CTNNA2: variants seen among roughly 807,000 people sequenced by gnomAD.
CTNNA2 encodes the protein catenin alpha 2, also known as catenin alpha-2.
CTNNA2 carries 42 observed loss-of-function variants against 101.0 expected under a neutral mutation model. The ratio of observed to expected loss-of-function variants is 0.42; its 90% CI spans 0.32 to 0.54. The LOEUF (loss-of-function observed/expected upper bound fraction) is 0.54, where lower values mean the gene tolerates loss of function less well. CTNNA2 is among the 20% of genes least tolerant of loss of function. The pLI is 0.14. For synonymous variants in CTNNA2, 450 were observed against 456.4 expected, an observed-to-expected ratio of 0.99 and a Z score of 0.18; for missense variants, 871 against 1,223.1, an observed-to-expected ratio of 0.71 and a Z score of 4.29.
At chr2:79,652,710 C>T (rs1302834256) in intron 2 of CTNNA2, among the ~76,000 whole-genome samples, 2 of 152,040 alleles carry the variant, frequency 1.3e-5, no homozygotes, top group African/African-American at 2.4e-5. Context: ...TTACAGTTTC[C>T]AGGGATTTGG....
chr2:79,933,414 A>G (rs1284416320), intron 7 of CTNNA2, among the ~76,000 whole-genome samples: 2 of 152,038 alleles, frequency 1.3e-5, no homozygotes, highest in Non-Finnish European at 2.9e-5. Flanking sequence ...AGTGAAACAA[A>G]GAGGCTGAAA....
chr2:80,522,526 C>T (rs1021144431), intron 9 of CTNNA2, among the ~76,000 whole-genome samples: 14 of 152,026 alleles, frequency 9.2e-5, no homozygotes, highest in African/African-American at 3.1e-4. Flanking sequence ...CTTTAATTGC[C>T]GAGTAGGAAT....
intron 9 of CTNNA2, among the ~76,000 whole-genome samples, chr2:80,508,038 G>C (rs758491491): frequency 6.6e-6 from 1 of 152,142 alleles, no homozygotes; most frequent in Non-Finnish European, 1.5e-5. Context: ...CTTTAGAAAA[G>C]ACATTTCCTA....
intron 7 of CTNNA2, among the ~76,000 whole-genome samples, chr2:80,380,028 CTTTTT>C (rs769794108): frequency 2.3e-5 from 2 of 86,520 alleles, no homozygotes; most frequent in African/African-American, 5.8e-5. Context: ...TCGAGATGTA[CTTTTT>C]TTTTTTTTTT....
intron 1 of CTNNA2, among the ~76,000 whole-genome samples, chr2:79,541,427 C>CATATATAT (rs9284785): frequency 1.3e-4 from 19 of 142,810 alleles, no homozygotes; most frequent in East Asian, 1.0e-3. Flanking sequence ...CGCACACACA[C>CATATATAT]ATATATATAT....
intron 7 of CTNNA2, among the ~76,000 whole-genome samples, chr2:80,099,952 T>A (rs753673323): frequency 1.3e-5 from 2 of 152,034 alleles, no homozygotes; most frequent in Non-Finnish European, 2.9e-5. Flanking sequence ...GTTGTTGAGA[T>A]GAAGTCTTGC....
At chr2:80,519,152 T>G (rs2149569775) in intron 9 of CTNNA2, among the ~76,000 whole-genome samples, 1 of 152,272 alleles carries the variant, frequency 6.6e-6, no homozygotes, top group South Asian at 2.1e-4. Flanking sequence ...TGTATGTATG[T>G]GTGATTTATA....
intron 7 of CTNNA2, among the ~76,000 whole-genome samples, chr2:80,128,764 CG>C (rs1041382192): frequency 5.3e-5 from 8 of 152,086 alleles, no homozygotes; most frequent in African/African-American, 1.9e-4. Context: ...TATATGACCC[CG>C]GAAACGATTC....
At chr2:80,070,631 C>T (rs60850086) in intron 7 of CTNNA2, among the ~76,000 whole-genome samples, 1,747 of 151,732 alleles carry the variant, frequency 0.012, 28 homozygotes, top group African/African-American at 0.04. Context: ...GAGGGAGGAT[C>T]GCTTGAGCCT....
chr2:80,493,670 G>T (rs559903459), intron 9 of CTNNA2, among the ~76,000 whole-genome samples: 1 of 152,270 alleles, frequency 6.6e-6, no homozygotes, highest in South Asian at 2.1e-4. Flanking sequence ...TCCTTAGAAA[G>T]GACATCTAAT....
At chr2:79,646,610 C>A (rs1301758773) in intron 1 of CTNNA2, among the ~76,000 whole-genome samples, 2 of 147,108 alleles carry the variant, frequency 1.4e-5, no homozygotes, top group African/African-American at 5.0e-5. Flanking sequence ...CTCACTGAAG[C>A]CTCGACATCC....
At chr2:80,041,503 A>G (rs116310304) in intron 7 of CTNNA2, among the ~76,000 whole-genome samples, 2,168 of 152,260 alleles carry the variant, frequency 0.014, 39 homozygotes, top group African/African-American at 0.044. Context: ...ATGATAATGC[A>G]GCTGCTTGTA....
At chr2:80,220,860 G>A (rs767231801) in intron 7 of CTNNA2, among the ~76,000 whole-genome samples, 1 of 151,966 alleles carries the variant, frequency 6.6e-6, no homozygotes, top group African/African-American at 2.4e-5. Context: ...CTTCTTTCTG[G>A]TTTTTTGTTT....
At chr2:79,379,912 C>A (rs1678020420) in intron 4 of CTNNA2, among the ~76,000 whole-genome samples, 1 of 152,150 alleles carries the variant, frequency 6.6e-6, no homozygotes, top group Non-Finnish European at 1.5e-5. Context: ...CAAATTCAAT[C>A]TCATAATGTA....
At chr2:79,745,997 G>A (rs1671618421) in intron 3 of CTNNA2, among the ~76,000 whole-genome samples, 1 of 152,084 alleles carries the variant, frequency 6.6e-6, no homozygotes, top group Non-Finnish European at 1.5e-5. Flanking sequence ...CATAGTGGCT[G>A]CACCATTTCC....
At chr2:80,152,059 A>G (rs1442152852) in intron 7 of CTNNA2, among the ~76,000 whole-genome samples, 2 of 152,224 alleles carry the variant, frequency 1.3e-5, no homozygotes, top group African/African-American at 4.8e-5. Context: ...TATCCAATAA[A>G]GGGGAGAGAG....
At chr2:80,161,874 G>A (rs537574787) in intron 7 of CTNNA2, among the ~76,000 whole-genome samples, 3 of 145,994 alleles carry the variant, frequency 2.1e-5, no homozygotes, top group South Asian at 2.2e-4. Flanking sequence ...GAATGAAACA[G>A]TATGTGTAGA....
chr2:80,313,471 A>T, intron 7 of CTNNA2: 1 of 1,539,442 alleles, frequency 6.5e-7, no homozygotes, highest in Non-Finnish European at 8.8e-7. Context: ...TATTCATGCT[A>T]TGGCAGAGAT....
intron 3 of CTNNA2, among the ~76,000 whole-genome samples, chr2:79,812,228 C>A (rs965348968): frequency 2.1e-4 from 32 of 151,902 alleles, no homozygotes; most frequent in Non-Finnish European, 1.5e-5. Context: ...ATATTCTTTT[C>A]TTTTTCTTGA....
Sources: allele counts gnomAD v4.1 joint callset (sites outside exome capture counted in the v4.1 genomes callset), GRCh38; gene constraint gnomAD v4.1.1; transcripts MANE v1.5; gene names NCBI Gene and HGNC (gene_info 2026-07-23, HGNC 2026-07-21).